The following LRP1B variants were observed in gnomAD, a reference collection of about 807,000 sequenced individuals.
LRP1B encodes the protein LDL receptor related protein 1B, also known as low-density lipoprotein receptor-related protein 1B.
LRP1B carries 217 observed loss-of-function variants against 556.6 expected under a neutral mutation model. The observed-to-expected ratio is 0.39, with a 90% CI of 0.35 to 0.44. LRP1B has a LOEUF of 0.44. Among genes scored for constraint, LRP1B ranks in the 20% least tolerant of loss-of-function variants. The probability of loss-of-function intolerance (pLI) is 1.00; values close to 1 mark genes in which losing one functional copy is unlikely to be tolerated. For missense variants in LRP1B, 5,053 were observed against 5,620.8 expected (o/e 0.90, Z 3.23); for synonymous variants, 2,047 against 1,865.8 (o/e 1.10, Z -2.50).
At chr2:142,003,708 G>A (rs1702724524) in intron 1 of LRP1B, among the ~76,000 whole-genome samples, 1 of 152,188 alleles carries the variant, frequency 6.6e-6, no homozygotes, top group East Asian at 1.9e-4. Flanking sequence ...ACCCCAAACA[G>A]ACATACAGTC....
At chr2:141,669,353 C>T (rs1690574845) in intron 2 of LRP1B, among the ~76,000 whole-genome samples, 1 of 152,100 alleles carries the variant, frequency 6.6e-6, no homozygotes, top group South Asian at 2.1e-4. Context: ...CTGACAACAC[C>T]TTAGTCTCTG....
chr2:140,478,391 C>T (rs573353146), intron 59 of LRP1B, among the ~76,000 whole-genome samples: 9 of 152,036 alleles, frequency 5.9e-5, no homozygotes, highest in East Asian at 5.8e-4. Flanking sequence ...CCTTGTGATC[C>T]GCCTGCCTCA....
chr2:141,224,252 A>T (rs1482989756), intron 6 of LRP1B, among the ~76,000 whole-genome samples: 1 of 152,192 alleles, frequency 6.6e-6, no homozygotes, highest in Non-Finnish European at 1.5e-5. Context: ...AAATAGCTCA[A>T]CATCACTGAT....
At chr2:142,013,916 C>T (rs1703035722) in intron 1 of LRP1B, among the ~76,000 whole-genome samples, 1 of 152,122 alleles carries the variant, frequency 6.6e-6, no homozygotes, top group South Asian at 2.1e-4. Flanking sequence ...TTAATGTTTA[C>T]TAAACAGATC....
At chr2:140,855,173 A>G (rs1475736328) in intron 27 of LRP1B, among the ~76,000 whole-genome samples, 2 of 152,022 alleles carry the variant, frequency 1.3e-5, no homozygotes, top group African/African-American at 4.8e-5. Flanking sequence ...TCTTACCCCA[A>G]GGTGCTTAAG....
intron 52 of LRP1B, 43 bp from the exon 53 acceptor site, chr2:140,506,961 T>C (rs1689444240): frequency 6.3e-7 from 1 of 1,595,308 alleles, no homozygotes. Flanking sequence ...TGAGCACATA[T>C]GTTATCTTCC....
At chr2:140,608,902 A>C (rs144025127) in intron 41 of LRP1B, among the ~76,000 whole-genome samples, 5 of 152,240 alleles carry the variant, frequency 3.3e-5, no homozygotes, top group African/African-American at 1.2e-4. Context: ...TCAACATCAA[A>C]GTTTCAGCCA....
chr2:140,734,765 C>T (rs1042344592), intron 35 of LRP1B, among the ~76,000 whole-genome samples: 1 of 129,606 alleles, frequency 7.7e-6, no homozygotes. Flanking sequence ...CTAACGGAGG[C>T]CCTTTCCTGC....
chr2:141,811,385 T>C (rs1297191495), intron 1 of LRP1B, among the ~76,000 whole-genome samples: 1 of 152,048 alleles, frequency 6.6e-6, no homozygotes, highest in Non-Finnish European at 1.5e-5. Context: ...ATAAAAATTC[T>C]AAGTGATATG....
At chr2:142,062,112 A>G (rs934353963) in intron 1 of LRP1B, among the ~76,000 whole-genome samples, 15 of 151,912 alleles carry the variant, frequency 9.9e-5, no homozygotes, top group Admixed American at 3.9e-4. Flanking sequence ...GCTCCTTTAT[A>G]CACCAGCTAT....
At chr2:141,295,908 C>T (rs1686168745) in intron 3 of LRP1B, among the ~76,000 whole-genome samples, 1 of 152,068 alleles carries the variant, frequency 6.6e-6, no homozygotes, top group South Asian at 2.1e-4. Context: ...TGTGTTACTC[C>T]ACAAAAACTT....
At chr2:141,165,520 CTT>C (rs1680212971) in intron 7 of LRP1B, among the ~76,000 whole-genome samples, 1 of 151,906 alleles carries the variant, frequency 6.6e-6, no homozygotes, top group Non-Finnish European at 1.5e-5. Flanking sequence ...ATATTTGTCT[CTT>C]AAAAGCTCAT....
At chr2:140,620,463 G>A (rs956077824) in intron 41 of LRP1B, among the ~76,000 whole-genome samples, 2 of 152,054 alleles carry the variant, frequency 1.3e-5, no homozygotes, top group Non-Finnish European at 2.9e-5. Flanking sequence ...TATCCTCTTC[G>A]CCTAAATGTC....
At chr2:141,544,322 C>A (rs1685413989) in intron 2 of LRP1B, among the ~76,000 whole-genome samples, 1 of 50,412 alleles carries the variant, frequency 2.0e-5, no homozygotes, top group African/African-American at 8.7e-5. Flanking sequence ...TCTTCTTCTT[C>A]TTCTTCTTCT....
At chr2:140,799,843 G>A (rs1690444414) in intron 32 of LRP1B, among the ~76,000 whole-genome samples, 2 of 152,046 alleles carry the variant, frequency 1.3e-5, no homozygotes, top group Non-Finnish European at 1.5e-5. Context: ...TGCAGAAGAC[G>A]GGTGATTTCT....
chr2:141,095,047 A>T (rs1162253925), intron 7 of LRP1B, among the ~76,000 whole-genome samples: 1 of 152,118 alleles, frequency 6.6e-6, no homozygotes, highest in African/African-American at 2.4e-5. Flanking sequence ...AAGTGAATTG[A>T]TTGTGAAAGG....
chr2:141,329,185 C>G (rs1363298131), intron 3 of LRP1B, among the ~76,000 whole-genome samples: 1 of 151,802 alleles, frequency 6.6e-6, no homozygotes, highest in South Asian at 2.1e-4. Context: ...GTCAGGAGTT[C>G]GAGACCAGCC....
intron 7 of LRP1B, among the ~76,000 whole-genome samples, chr2:141,165,633 T>C (rs1680219450): frequency 6.6e-6 from 1 of 151,940 alleles, no homozygotes; most frequent in African/African-American, 2.4e-5. Flanking sequence ...CCATATAATA[T>C]GAAATTGTGT....
chr2:141,166,977 A>G (rs1238436174), intron 7 of LRP1B, among the ~76,000 whole-genome samples: 4 of 151,998 alleles, frequency 2.6e-5, no homozygotes, highest in African/African-American at 9.7e-5. Context: ...GAACCTCTAT[A>G]CTTCAGAAAC....
Sources: gnomAD v4.1 joint callset for allele counts (sites outside exome capture counted in the v4.1 genomes callset) on GRCh38, gnomAD v4.1.1 for gene constraint, MANE v1.5 for transcripts, NCBI Gene and HGNC (gene_info 2026-07-23, HGNC 2026-07-21) for gene names.